DOCK1: variants seen among roughly 807,000 people sequenced by gnomAD.
DOCK1 encodes the protein dedicator of cytokinesis protein 1.
A neutral mutation model predicts 262.7 loss-of-function variants in DOCK1; 138 were observed. The observed-to-expected ratio is 0.53, with a 90% CI of 0.46 to 0.61. The LOEUF (loss-of-function observed/expected upper bound fraction) is 0.61. Ranked by LOEUF, DOCK1 falls within the 20% of genes least tolerant of loss-of-function variation. The pLI is 0.00. For synonymous variants in DOCK1, 866 were observed against 867.4 expected (o/e 1.00, Z 0.03); for missense variants, 1,908 against 2,370.7 (o/e 0.80, Z 4.05).
rs200473636 is a variant in DOCK1, at chr10:127,160,137, G to GAA, written c.2847+32386_2847+32387dup. ...ATTGTTTGGTTAAAAGGTCAGGAAAGAAAAAAAAAAAAAAGTCTCTCACTG... is the reference window on the plus strand; with the variant it reads ...ATTGTTTGGTTAAAAGGTCAGGAAAGAAAAAAAAAAAAAAAAGTCTCTCACTG... On this transcript the variant is annotated intron_variant, in intron 27 of 51. Transcript: ENST00000623213. Among the ~76,000 whole-genome samples, 95 of 128,534 alleles carry GAA rather than the reference G, an allele frequency of 7.4e-4. 1 individual carries two copies. The highest frequency in any genetic ancestry group is 1.4e-3 in the Admixed American group (18 of 12,806). 84.3% of individuals were successfully genotyped at this position (128,534 alleles called of 152,430 possible).
intron 33 of DOCK1, among the ~76,000 whole-genome samples, chr10:127,368,061 G>A (rs1270757382): frequency 2.0e-5 from 3 of 152,110 alleles, no homozygotes; most frequent in East Asian, 3.9e-4. Context: ...GGACATCTGG[G>A]GCCTCCTATC....
intron 23 of DOCK1, among the ~76,000 whole-genome samples, chr10:127,086,842 T>C (rs1245347165): frequency 6.6e-6 from 1 of 152,226 alleles, no homozygotes; most frequent in Non-Finnish European, 1.5e-5. Flanking sequence ...AATATTCCTA[T>C]ACATGAATAT....
intron 12 of DOCK1, among the ~76,000 whole-genome samples, chr10:127,017,339 A>C (rs1313064533): frequency 6.6e-6 from 1 of 151,924 alleles, no homozygotes; most frequent in Non-Finnish European, 1.5e-5. Context: ...ATATACACTC[A>C]CACAGATACA....
intron 35 of DOCK1, among the ~76,000 whole-genome samples, chr10:127,379,206 A>G (rs2065693683): frequency 6.6e-6 from 1 of 152,202 alleles, no homozygotes; most frequent in Admixed American, 6.5e-5. Context: ...AAAAGATTTT[A>G]AAGTGTTTAT....
intron 1 of DOCK1, among the ~76,000 whole-genome samples, chr10:126,946,810 T>C (rs1405011634): frequency 6.6e-6 from 1 of 152,240 alleles, no homozygotes; most frequent in Non-Finnish European, 1.5e-5. Context: ...TTTGTTCATC[T>C]CTTGATGGAC....
chr10:127,283,687 T>C (rs928663669), intron 29 of DOCK1, among the ~76,000 whole-genome samples: 3 of 152,236 alleles, frequency 2.0e-5, no homozygotes. Context: ...ACAAGCATTT[T>C]TCCATGTTAC....
At chr10:127,015,652 C>A (rs941746214) in intron 12 of DOCK1, among the ~76,000 whole-genome samples, 2 of 152,184 alleles carry the variant, frequency 1.3e-5, no homozygotes, top group African/African-American at 4.8e-5. Flanking sequence ...CCTACCCCAA[C>A]TCCCCGTGGT....
At chr10:127,449,537 C>G (rs11018103) in intron 51 of DOCK1, among the ~76,000 whole-genome samples, 86,292 of 152,002 alleles carry the variant, frequency 0.57, 24,976 homozygotes, top group Middle Eastern at 0.71. Context: ...TGATAAAGGG[C>G]GTGTGAATTC....
intron 1 of DOCK1, among the ~76,000 whole-genome samples, chr10:126,927,892 GCCAGGCAGTTA>G (rs1446332547): frequency 6.6e-6 from 1 of 152,120 alleles, no homozygotes; most frequent in Non-Finnish European, 1.5e-5. Context: ...AGGACTTGGG[GCCAGGCAGTTA>G]CCATGCTCGG....
At chr10:127,054,454 T>C (rs566763389) in intron 22 of DOCK1, among the ~76,000 whole-genome samples, 1 of 152,364 alleles carries the variant, frequency 6.6e-6, no homozygotes, top group South Asian at 2.1e-4. Context: ...TTTATTTTGC[T>C]TATTATGGAT....
chr10:127,008,551 G>A (rs554804354), intron 10 of DOCK1, among the ~76,000 whole-genome samples, 181 bp from the exon 11 acceptor site: 59 of 148,304 alleles, frequency 4.0e-4, no homozygotes, highest in African/African-American at 1.2e-3. Flanking sequence ...AATTCCATTT[G>A]GGCCAGCATT....
chr10:127,341,082 G>T (rs1490554383), intron 30 of DOCK1, among the ~76,000 whole-genome samples: 1 of 152,106 alleles, frequency 6.6e-6, no homozygotes, highest in African/African-American at 2.4e-5. Context: ...GCTAATACCT[G>T]TGTGGTTTTG....
At chr10:127,316,898 C>T (rs1355544326) in intron 29 of DOCK1, among the ~76,000 whole-genome samples, 2 of 152,064 alleles carry the variant, frequency 1.3e-5, no homozygotes, top group South Asian at 2.1e-4. Flanking sequence ...ACAAACACCC[C>T]CTCTCCAACA....
chr10:127,244,851 C>A (rs2059378774), intron 27 of DOCK1, among the ~76,000 whole-genome samples: 1 of 152,186 alleles, frequency 6.6e-6, no homozygotes, highest in South Asian at 2.1e-4. Flanking sequence ...TTGCTCCCAG[C>A]CTACCTGCTA....
At chr10:126,940,399 C>G (rs2034894252) in intron 1 of DOCK1, among the ~76,000 whole-genome samples, 1 of 152,108 alleles carries the variant, frequency 6.6e-6, no homozygotes, top group South Asian at 2.1e-4. Context: ...ACTCAATATT[C>G]AGAGTATGTG....
intron 43 of DOCK1, among the ~76,000 whole-genome samples, 164 bp from the exon 44 acceptor site, chr10:127,414,988 G>A (rs556698977): frequency 2.0e-5 from 3 of 152,316 alleles, no homozygotes; most frequent in African/African-American, 7.2e-5. Flanking sequence ...TGGCTTGTGA[G>A]GTGCTACCTG....
chr10:126,978,551 T>C (rs954364786), intron 3 of DOCK1, among the ~76,000 whole-genome samples: 1 of 152,192 alleles, frequency 6.6e-6, no homozygotes, highest in South Asian at 2.1e-4. Context: ...CCATACACAA[T>C]TCTGTTGTGG....
intron 31 of DOCK1, among the ~76,000 whole-genome samples, chr10:127,346,282 A>C (rs2063630569): frequency 6.6e-6 from 1 of 152,216 alleles, no homozygotes; most frequent in African/African-American, 2.4e-5. Flanking sequence ...GTGAGCGTTA[A>C]GAGCCTAAGG....
intron 33 of DOCK1, among the ~76,000 whole-genome samples, chr10:127,368,153 T>C (rs2065027036): frequency 6.6e-6 from 1 of 152,172 alleles, no homozygotes; most frequent in Admixed American, 6.5e-5. Flanking sequence ...AGACCTTCCG[T>C]CTGGAGGCCT....
Sources: allele counts gnomAD v4.1 joint callset (sites outside exome capture counted in the v4.1 genomes callset), GRCh38; gene constraint gnomAD v4.1.1; transcripts MANE v1.5; gene names NCBI Gene and HGNC (gene_info 2026-07-23, HGNC 2026-07-21).